SCFD2: variants seen among roughly 807,000 people sequenced by gnomAD.
The protein encoded by SCFD2 is sec1 family domain-containing protein 2.
Under a neutral mutation model 58.9 loss-of-function variants are expected in SCFD2, and 54 were observed. The ratio of observed to expected loss-of-function variants is 0.92; its 90% CI spans 0.74 to 1.15. The LOEUF is 1.15. Ranked by LOEUF, SCFD2 falls within the 50% of genes most tolerant of loss-of-function variation. The pLI is 0.00. For missense variants in SCFD2, 805 were observed against 836.6 expected (o/e 0.96, Z 0.47); for synonymous variants, 321 against 335.9 (o/e 0.96, Z 0.49).
Position 53,259,444 on chromosome 4 carries a change from C to T in SCFD2, c.1311+14382G>A, listed in dbSNP as rs189234091. Among the ~76,000 whole-genome samples, 412 of 152,268 alleles carry T rather than the reference C, an allele frequency of 2.7e-3. 1 individual carries two copies. Among genetic ancestry groups the T allele is most frequent in the African/African-American group, 9.5e-3 (394 of 41,552 alleles). On this transcript the variant is annotated intron_variant, in intron 4 of 8. Transcript: ENST00000401642. ...TTTCATTCTTTTACCTGTGGCTTTC[C>T]AATTATCCCAGCACCATTTGTTGAA...
intron 5 of SCFD2, among the ~76,000 whole-genome samples, chr4:53,050,372 T>C (rs915725233): frequency 5.3e-5 from 8 of 152,176 alleles, no homozygotes; most frequent in Non-Finnish European, 8.8e-5. Context: ...TCTGGCTAAA[T>C]AGCTGTCGTG....
At chr4:53,170,697 CTTCT>C (rs1269494652) in intron 4 of SCFD2, among the ~76,000 whole-genome samples, 2 of 151,880 alleles carry the variant, frequency 1.3e-5, no homozygotes, top group African/African-American at 2.4e-5. Flanking sequence ...TTTGAGTCTT[CTTCT>C]ATTATTTTCA....
chr4:53,244,504 C>T (rs1415731419), intron 4 of SCFD2, among the ~76,000 whole-genome samples: 1 of 151,950 alleles, frequency 6.6e-6, no homozygotes, highest in African/African-American at 2.4e-5. Context: ...TGGGGTAATT[C>T]ATGAAATTAA....
intron 3 of SCFD2, among the ~76,000 whole-genome samples, chr4:53,308,940 C>A (rs1732600062): frequency 6.6e-6 from 1 of 151,886 alleles, no homozygotes; most frequent in African/African-American, 2.4e-5. Context: ...ACCAGCCTGG[C>A]CAACATGGTG....
At chr4:53,226,772 G>A (rs1729230604) in intron 4 of SCFD2, among the ~76,000 whole-genome samples, 1 of 152,148 alleles carries the variant, frequency 6.6e-6, no homozygotes, top group African/African-American at 2.4e-5. Context: ...GGACTTGAAG[G>A]ATGAGGTAAC....
intron 2 of SCFD2, among the ~76,000 whole-genome samples, chr4:53,338,525 G>A (rs1733749273): frequency 6.8e-6 from 1 of 147,190 alleles, no homozygotes; most frequent in Non-Finnish European, 1.5e-5. Flanking sequence ...TTAAATGACA[G>A]CAGGTTTCTC....
chr4:52,985,853 A>G (rs2109574260), intron 5 of SCFD2, among the ~76,000 whole-genome samples: 1 of 151,962 alleles, frequency 6.6e-6, no homozygotes, highest in East Asian at 1.9e-4. Flanking sequence ...AAAGCCCTAC[A>G]TGTACTAGGA....
At chr4:53,155,881 T>A (rs1302873786) in intron 4 of SCFD2, among the ~76,000 whole-genome samples, 1 of 152,262 alleles carries the variant, frequency 6.6e-6, no homozygotes, top group East Asian at 1.9e-4. Context: ...AAATTATTTT[T>A]GTAATAACAG....
intron 5 of SCFD2, among the ~76,000 whole-genome samples, chr4:52,971,018 C>A (rs564607280): frequency 6.6e-6 from 1 of 152,142 alleles, no homozygotes; most frequent in African/African-American, 2.4e-5. Flanking sequence ...CCTATCTGTA[C>A]GTCACCATCA....
chr4:53,114,846 T>G (rs1330904268), intron 5 of SCFD2, among the ~76,000 whole-genome samples: 1 of 152,092 alleles, frequency 6.6e-6, no homozygotes, highest in Non-Finnish European at 1.5e-5. Flanking sequence ...ATGAGAGAAC[T>G]ACAATATAAA....
At chr4:52,941,082 C>T (rs1720280837) in intron 5 of SCFD2, among the ~76,000 whole-genome samples, 1 of 142,184 alleles carries the variant, frequency 7.0e-6, no homozygotes, top group Admixed American at 6.6e-5. Flanking sequence ...ATGCTAAATC[C>T]TGGCATTTTT....
chr4:53,349,682 A>C (rs1734157468), intron 2 of SCFD2, among the ~76,000 whole-genome samples: 1 of 152,242 alleles, frequency 6.6e-6, no homozygotes, highest in Non-Finnish European at 1.5e-5. Flanking sequence ...CTGGGGAGTC[A>C]AGGTTAAATA....
chr4:53,337,277 C>A (rs1422996237), intron 2 of SCFD2, among the ~76,000 whole-genome samples: 1 of 152,138 alleles, frequency 6.6e-6, no homozygotes, highest in African/African-American at 2.4e-5. Context: ...AGTTAATCTT[C>A]TTGTAAAGAC....
intron 4 of SCFD2, among the ~76,000 whole-genome samples, chr4:53,234,271 G>A (rs1729528338): frequency 6.6e-6 from 1 of 152,112 alleles, no homozygotes; most frequent in Admixed American, 6.6e-5. Flanking sequence ...AGAATACTTT[G>A]GAAAAGGCTT....
intron 5 of SCFD2, among the ~76,000 whole-genome samples, chr4:53,086,451 C>T (rs1373294120): frequency 6.6e-6 from 1 of 152,166 alleles, no homozygotes. Context: ...ATTAGCACAA[C>T]CACTATGGAG....
intron 1 of SCFD2, among the ~76,000 whole-genome samples, chr4:53,357,388 C>T (rs138588509): frequency 5.7e-4 from 87 of 151,710 alleles, no homozygotes; most frequent in African/African-American, 1.9e-3. Context: ...GAGATTGAGC[C>T]ACTGCATACC....
At chr4:53,248,092 C>T (rs935492484) in intron 4 of SCFD2, among the ~76,000 whole-genome samples, 23 of 152,268 alleles carry the variant, frequency 1.5e-4, no homozygotes, top group African/African-American at 4.6e-4. Flanking sequence ...CGAAGCAGGG[C>T]GAGGCATTGC....
chr4:53,331,459 A>C (rs1465397164), intron 2 of SCFD2, among the ~76,000 whole-genome samples: 1 of 152,248 alleles, frequency 6.6e-6, no homozygotes, highest in Non-Finnish European at 1.5e-5. Flanking sequence ...AAACCGCTCA[A>C]CTACATGGAA....
chr4:53,165,016 G>A (rs1339558491), intron 4 of SCFD2, among the ~76,000 whole-genome samples: 1 of 152,170 alleles, frequency 6.6e-6, no homozygotes, highest in African/African-American at 2.4e-5. Context: ...GTGGAGCACT[G>A]GCTGGCTTGG....
Sources: allele counts gnomAD v4.1 joint callset (sites outside exome capture counted in the v4.1 genomes callset), GRCh38; gene constraint gnomAD v4.1.1; transcripts MANE v1.5; gene names NCBI Gene and HGNC (gene_info 2026-07-23, HGNC 2026-07-21).